The following NCOA1 variants were observed in gnomAD, a reference collection of about 807,000 sequenced individuals.
NCOA1 encodes the protein Hin-2 protein.
In NCOA1, 35 loss-of-function variants were observed where a neutral mutation model predicts 150.9. That is an observed-to-expected ratio of 0.23 (90% CI 0.18 to 0.31). The LOEUF (loss-of-function observed/expected upper bound fraction) is 0.31. Among genes scored for constraint, NCOA1 ranks in the 10% least tolerant of loss-of-function variants. The pLI, the probability that NCOA1 is intolerant of heterozygous loss-of-function variation, is 1.00. For synonymous variants in NCOA1, 590 were observed against 630.0 expected (o/e 0.94, Z 0.95); for missense variants, 1,491 against 1,749.3 (o/e 0.85, Z 2.63).
At chr2:24,541,518 C>T (rs955448240) in intron 1 of NCOA1, among the ~76,000 whole-genome samples, 1 of 152,170 alleles carries the variant, frequency 6.6e-6, no homozygotes, top group Non-Finnish European at 1.5e-5. Context: ...TGCAATGGAA[C>T]CTAATCCTAA....
chr2:24,736,759 A>G (rs148521129), intron 17 of NCOA1, among the ~76,000 whole-genome samples: 22 of 152,304 alleles, frequency 1.4e-4, no homozygotes, highest in African/African-American at 5.1e-4. Flanking sequence ...GATGTTTAGC[A>G]GCATTCCTGG....
At chr2:24,559,302 T>G (rs1353769831) in intron 1 of NCOA1, among the ~76,000 whole-genome samples, 1 of 152,158 alleles carries the variant, frequency 6.6e-6, no homozygotes, top group Non-Finnish European at 1.5e-5. Context: ...CATTACCCTC[T>G]CAGTGCACCA....
intron 14 of NCOA1, among the ~76,000 whole-genome samples, chr2:24,723,389 A>G (rs949264750): frequency 6.6e-6 from 1 of 152,234 alleles, no homozygotes; most frequent in Admixed American, 6.5e-5. Context: ...ACAAAGCTGT[A>G]ATGAATAATC....
intron 3 of NCOA1, among the ~76,000 whole-genome samples, chr2:24,596,888 C>T (rs1430287821): frequency 1.3e-5 from 2 of 152,142 alleles, no homozygotes; most frequent in African/African-American, 2.4e-5. Context: ...TTTCCAATCC[C>T]TGTTAATCCA....
At chr2:24,670,986 A>G (rs56202805) in intron 6 of NCOA1, among the ~76,000 whole-genome samples, 56 of 152,338 alleles carry the variant, frequency 3.7e-4, no homozygotes, top group Admixed American at 8.5e-4. Context: ...CAGTTTGTCA[A>G]TACCTAGTGA....
At chr2:24,604,359 G>A (rs1400677404) in intron 3 of NCOA1, among the ~76,000 whole-genome samples, 1 of 152,106 alleles carries the variant, frequency 6.6e-6, no homozygotes, top group African/African-American at 2.4e-5. Flanking sequence ...TTTGAAGCTG[G>A]GTGTTGGTGT....
intron 1 of NCOA1, among the ~76,000 whole-genome samples, chr2:24,503,253 A>C (rs1033508479): frequency 6.6e-6 from 1 of 152,094 alleles, no homozygotes; most frequent in Non-Finnish European, 1.5e-5. Flanking sequence ...TTGTTCTACA[A>C]CATAAGAAGT....
chr2:24,634,468 T>C (rs1669843662), intron 3 of NCOA1, among the ~76,000 whole-genome samples: 1 of 152,226 alleles, frequency 6.6e-6, no homozygotes, highest in African/African-American at 2.4e-5. Context: ...TTATAGGTAC[T>C]CTTCTATCAC....
chr2:24,582,400 G>T (rs140407398), intron 2 of NCOA1, among the ~76,000 whole-genome samples: 11 of 152,166 alleles, frequency 7.2e-5, no homozygotes, highest in African/African-American at 2.2e-4. Flanking sequence ...AACCAAGGAG[G>T]TGAAATATCT....
chr2:24,558,513 A>G (rs751202195), intron 1 of NCOA1, among the ~76,000 whole-genome samples: 60 of 152,296 alleles, frequency 3.9e-4, no homozygotes, highest in Middle Eastern at 3.4e-3. Context: ...ATCTCATGAG[A>G]CTTATTCACT....
chr2:24,708,107 G>A (rs946330693), intron 13 of NCOA1, among the ~76,000 whole-genome samples: 89 of 152,108 alleles, frequency 5.9e-4, no homozygotes, highest in African/African-American at 2.1e-3. Flanking sequence ...TTATAAAAAA[G>A]GAAATTTTTC....
intron 14 of NCOA1, among the ~76,000 whole-genome samples, chr2:24,720,155 G>A (rs767742724): frequency 6.6e-6 from 1 of 152,170 alleles, no homozygotes; most frequent in Non-Finnish European, 1.5e-5. Flanking sequence ...TCAAGAAATA[G>A]CAATATATGC....
At chr2:24,683,697 G>A (rs1324712042) in intron 8 of NCOA1, among the ~76,000 whole-genome samples, 2 of 152,060 alleles carry the variant, frequency 1.3e-5, no homozygotes, top group Non-Finnish European at 2.9e-5. Context: ...TCTAATTCTT[G>A]TAAAGGCATG....
chr2:24,696,302 A>G (rs1672896437), intron 10 of NCOA1, among the ~76,000 whole-genome samples: 1 of 152,212 alleles, frequency 6.6e-6, no homozygotes. Context: ...ATGAGGAGGC[A>G]CAAACTGGAT....
At chr2:24,656,102 A>C (rs1670936730) in intron 4 of NCOA1, among the ~76,000 whole-genome samples, 1 of 151,902 alleles carries the variant, frequency 6.6e-6, no homozygotes. Flanking sequence ...AAAAAAAAAA[A>C]AAAAAAGGAA....
intron 1 of NCOA1, among the ~76,000 whole-genome samples, chr2:24,559,945 G>T (rs1053443183): frequency 6.6e-5 from 10 of 152,120 alleles, no homozygotes; most frequent in Non-Finnish European, 1.5e-4. Flanking sequence ...AGGATTTTCT[G>T]TTCTTCTCCT....
chr2:24,495,676 G>T (rs1292742174), intron 1 of NCOA1, among the ~76,000 whole-genome samples: 3 of 152,056 alleles, frequency 2.0e-5, no homozygotes, highest in Non-Finnish European at 2.9e-5. Context: ...CTTCATTTTT[G>T]CCCTTTCAGC....
At chr2:24,589,031 A>G (rs1667534124) in intron 3 of NCOA1, among the ~76,000 whole-genome samples, 1 of 152,160 alleles carries the variant, frequency 6.6e-6, no homozygotes, top group African/African-American at 2.4e-5. Flanking sequence ...GTGTTTGGAT[A>G]TTTCAGCTTC....
chr2:24,542,300 G>A (rs1665430735), intron 1 of NCOA1, among the ~76,000 whole-genome samples: 2 of 152,126 alleles, frequency 1.3e-5, no homozygotes, highest in Admixed American at 1.3e-4. Flanking sequence ...CATTTCTGAT[G>A]TTCAAGGATA....
Sources: allele counts gnomAD v4.1 joint callset (sites outside exome capture counted in the v4.1 genomes callset), GRCh38; gene constraint gnomAD v4.1.1; transcripts MANE v1.5; gene names NCBI Gene and HGNC (gene_info 2026-07-23, HGNC 2026-07-21).